FHIT: variants seen among roughly 807,000 people sequenced by gnomAD.
FHIT encodes bis(5'-adenosyl)-triphosphatase.
A neutral mutation model predicts 17.9 loss-of-function variants in FHIT; 19 were observed. The observed-to-expected ratio is 1.06, with a 90% CI of 0.74 to 1.56. The LOEUF (loss-of-function observed/expected upper bound fraction) is 1.56, where lower values mean the gene tolerates loss of function less well. FHIT is among the 40% of genes most tolerant of loss of function. The pLI, the probability that FHIT is intolerant of heterozygous loss-of-function variation, is 0.00. For missense variants in FHIT, 248 were observed against 189.2 expected (o/e 1.31, Z -1.82); for synonymous variants, 81 against 69.7 (o/e 1.16, Z -0.81).
In FHIT at chr3:60,926,552, A is replaced by C. The variant is rs555723615; in HGVS notation, c.-110-104541T>G. Among the ~76,000 whole-genome samples the C allele has an allele frequency of 2.4e-4, 37 of 152,376 alleles. No individual in the cohort carries two copies. In the South Asian group the frequency reaches 5.8e-3, roughly 24 times the overall value. ...TACCAGAATCTGTGGGACACATTCA[A>C]AGCAGTGTGTAGAGGGAAATTTATA... is the stretch of plus-strand genomic sequence containing the variant. On this transcript the variant is annotated intron_variant, in intron 3 of 9. Transcript: ENST00000492590.
At chr3:60,746,096 A>G (rs909435567) in intron 4 of FHIT, among the ~76,000 whole-genome samples, 25 of 152,142 alleles carry the variant, frequency 1.6e-4, no homozygotes, top group Admixed American at 4.6e-4. Context: ...TTAAAACAAT[A>G]TTTTGGTTAA....
intron 8 of FHIT, among the ~76,000 whole-genome samples, chr3:59,896,043 C>T (rs150359113): frequency 3.9e-5 from 6 of 152,304 alleles, no homozygotes; most frequent in African/African-American, 1.4e-4. Flanking sequence ...TTTTTGACTG[C>T]ACAGAATCTT....
At chr3:61,025,647 A>C (rs2032693261) in intron 3 of FHIT, among the ~76,000 whole-genome samples, 1 of 152,244 alleles carries the variant, frequency 6.6e-6, no homozygotes, top group African/African-American at 2.4e-5. Flanking sequence ...CAAACCATCT[A>C]AACTTTGACT....
At chr3:60,259,089 G>GA (rs2107606308) in intron 5 of FHIT, among the ~76,000 whole-genome samples, 1 of 151,460 alleles carries the variant, frequency 6.6e-6, no homozygotes. Flanking sequence ...ATGTGGTTCC[G>GA]AAAGATTTTT....
chr3:61,071,618 C>T (rs72877832), intron 2 of FHIT, among the ~76,000 whole-genome samples: 11,292 of 152,094 alleles, frequency 0.074, 1,079 homozygotes, highest in African/African-American at 0.22. Flanking sequence ...ATGTACATGA[C>T]ATAAAGTTAA....
chr3:61,133,949 G>A (rs940911488), intron 2 of FHIT, among the ~76,000 whole-genome samples: 5 of 152,184 alleles, frequency 3.3e-5, no homozygotes, highest in South Asian at 2.1e-4. Flanking sequence ...TTAGCCAGGC[G>A]TGGTGGCAGG....
At chr3:60,592,379 T>A (rs1382488254) in intron 4 of FHIT, among the ~76,000 whole-genome samples, 5 of 152,080 alleles carry the variant, frequency 3.3e-5, no homozygotes, top group African/African-American at 1.2e-4. Flanking sequence ...AAATCAGGTA[T>A]ACCTATCTGC....
intron 5 of FHIT, among the ~76,000 whole-genome samples, chr3:60,391,194 A>G (rs1470336189): frequency 2.2e-5 from 1 of 44,712 alleles, no homozygotes; most frequent in Non-Finnish European, 5.9e-5. Flanking sequence ...TGACAAAACA[A>G]AACAAAAAAC....
intron 4 of FHIT, among the ~76,000 whole-genome samples, chr3:60,615,866 G>C (rs1342407664): frequency 6.6e-6 from 1 of 152,164 alleles, no homozygotes; most frequent in Non-Finnish European, 1.5e-5. Flanking sequence ...CTCTTCCCTG[G>C]ATGGTTCGAG....
At chr3:61,019,194 A>C (rs1476882689) in intron 3 of FHIT, among the ~76,000 whole-genome samples, 1 of 152,182 alleles carries the variant, frequency 6.6e-6, no homozygotes. Flanking sequence ...TTTACCTCAT[A>C]TTTATATGTA....
intron 4 of FHIT, among the ~76,000 whole-genome samples, chr3:60,720,583 C>G (rs1553707792): frequency 6.6e-6 from 1 of 152,074 alleles, no homozygotes; most frequent in African/African-American, 2.4e-5. Context: ...ATTAGAATCA[C>G]CTGGGAAATG....
In FHIT at chr3:60,470,413, C is replaced by G. The variant is rs535782746; in HGVS notation, c.103+66447G>C. ...CTCTATTCTACCGCAGCTAAGCTGGCACCCAAACCATAAGACAAAGTCCTT... is the reference window on the plus strand; with the variant it reads ...CTCTATTCTACCGCAGCTAAGCTGGGACCCAAACCATAAGACAAAGTCCTT... On this transcript the variant is annotated intron_variant, in intron 5 of 9. Transcript: ENST00000492590. Among the ~76,000 whole-genome samples the G allele has an allele frequency of 2.6e-5, 4 of 152,156 alleles. No individual in the cohort carries two copies. In the East Asian group the frequency reaches 5.9e-4, roughly 22 times the overall value.
At chr3:59,937,374 A>T (rs1706293276) in intron 7 of FHIT, among the ~76,000 whole-genome samples, 1 of 152,172 alleles carries the variant, frequency 6.6e-6, no homozygotes, top group Non-Finnish European at 1.5e-5. Flanking sequence ...GCCTCTGCAG[A>T]GCGGTGATGA....
intron 5 of FHIT, among the ~76,000 whole-genome samples, chr3:60,440,915 G>C (rs2030739815): frequency 6.6e-6 from 1 of 152,098 alleles, no homozygotes; most frequent in South Asian, 2.1e-4. Context: ...TGGGTTTTAT[G>C]TTGGCATACG....
intron 3 of FHIT, among the ~76,000 whole-genome samples, chr3:60,927,209 C>T (rs1240492762): frequency 1.1e-4 from 17 of 152,264 alleles, no homozygotes; most frequent in East Asian, 9.7e-4. Flanking sequence ...CCGTGTTGGC[C>T]GGGCTGGTCT....
At chr3:60,934,385 G>T (rs892707448) in intron 3 of FHIT, among the ~76,000 whole-genome samples, 6 of 152,202 alleles carry the variant, frequency 3.9e-5, no homozygotes, top group Non-Finnish European at 8.8e-5. Flanking sequence ...CCTGGAAAAA[G>T]CTGAAATAGC....
At chr3:60,009,532 C>T (rs556099117) in intron 7 of FHIT, among the ~76,000 whole-genome samples, 7 of 151,998 alleles carry the variant, frequency 4.6e-5, no homozygotes, top group African/African-American at 1.7e-4. Context: ...ATAATTGGGA[C>T]ATCAAAAAGT....
At chr3:59,841,374 T>G (rs1024919830) in intron 8 of FHIT, among the ~76,000 whole-genome samples, 2 of 152,154 alleles carry the variant, frequency 1.3e-5, no homozygotes, top group Non-Finnish European at 2.9e-5. Context: ...ATTAGCTACT[T>G]GAGAATGGGC....
chr3:60,563,877 C>T (rs541858488), intron 4 of FHIT, among the ~76,000 whole-genome samples: 1 of 152,194 alleles, frequency 6.6e-6, no homozygotes, highest in Admixed American at 6.5e-5. Flanking sequence ...AATACAGAAG[C>T]TGCAGCAAGT....
Sources: allele counts gnomAD v4.1 joint callset (sites outside exome capture counted in the v4.1 genomes callset), GRCh38; gene constraint gnomAD v4.1.1; transcripts MANE v1.5; gene names NCBI Gene and HGNC (gene_info 2026-07-23, HGNC 2026-07-21).